Variants in RALGPS1 observed in about 807,000 individuals in gnomAD.
RALGPS1 encodes the protein ras-specific guanine nucleotide-releasing factor RalGPS1.
A neutral mutation model predicts 78.8 loss-of-function variants in RALGPS1; 19 were observed. That is an observed-to-expected ratio of 0.24 (90% confidence interval 0.17 to 0.35). RALGPS1 has a LOEUF of 0.35. Ranked by LOEUF, RALGPS1 falls within the 10% of genes least tolerant of loss-of-function variation. The pLI, the probability that RALGPS1 is intolerant of heterozygous loss-of-function variation, is 1.00. For missense variants in RALGPS1, 454 were observed against 688.3 expected (o/e 0.66, Z 3.81); for synonymous variants, 228 against 256.3 (o/e 0.89, Z 1.06).
intron 7 of RALGPS1, among the ~76,000 whole-genome samples, chr9:127,066,145 G>A (rs1394963614): frequency 6.6e-6 from 1 of 152,214 alleles, no homozygotes; most frequent in Non-Finnish European, 1.5e-5. Flanking sequence ...GGCATGGCAG[G>A]GAACATGGGC....
intron 1 of RALGPS1, among the ~76,000 whole-genome samples, chr9:126,919,003 A>G (rs545273740): frequency 6.6e-6 from 1 of 152,278 alleles, no homozygotes; most frequent in East Asian, 1.9e-4. Flanking sequence ...TAGTGAGGGA[A>G]TAAGTTGTAA....
At position 127,202,830 on chromosome 9, in the gene RALGPS1, G is replaced by A. The variant is rs144488769; in HGVS notation, c.1247+3764G>A. Among the ~76,000 whole-genome samples the A allele has an allele frequency of 9.8e-4, 149 of 152,276 alleles. No homozygotes were observed. In the Middle Eastern group the frequency reaches 0.014, roughly 14 times the overall value. On this transcript the variant is annotated intron_variant, in intron 14 of 18. Transcript: ENST00000259351. ...TCAGCAGTCTTCCTCACCTCATGCC[G>A]GGGAGAGTAGGGGCGAGGAGAGAAG...
At chr9:127,092,058 C>A in intron 8 of RALGPS1, 1 of 1,304,394 alleles carries the variant, frequency 7.7e-7, no homozygotes, top group South Asian at 1.4e-5. Context: ...GAGCATGAAG[C>A]AGACCTGGTT....
intron 13 of RALGPS1, among the ~76,000 whole-genome samples, chr9:127,197,106 A>C (rs2140596540): frequency 6.6e-6 from 1 of 152,312 alleles, no homozygotes; most frequent in South Asian, 2.1e-4. Context: ...AGGGAGGATG[A>C]AAAATTGATA....
rs972339999 is a variant in RALGPS1, at chr9:127,183,643, G to A, written c.910+8861G>A. On this transcript the variant is annotated intron_variant, in intron 11 of 18. Transcript: ENST00000259351. The surrounding 1 kb of genome is among the most constrained non-coding windows in gnomAD (Gnocchi z 4.0). ...AGACATAGTTCAACCTCCGCAGGGG[G>A]TCTGTGGAGACTCCGCCTGACTATG... Among the ~76,000 whole-genome samples the A allele has an allele frequency of 5.3e-5, 8 of 152,104 alleles. No individual in the cohort carries two copies. Among genetic ancestry groups the A allele is most frequent in the Non-Finnish European group, 8.8e-5 (6 of 68,018 alleles).
chr9:127,193,271 AGT>A (rs1265803186), intron 11 of RALGPS1, among the ~76,000 whole-genome samples: 1 of 152,226 alleles, frequency 6.6e-6, no homozygotes, highest in African/African-American at 2.4e-5. Context: ...CCTGACATCC[AGT>A]GTTGTCACTG....
chr9:126,983,502 A>T (rs954839255), intron 4 of RALGPS1, among the ~76,000 whole-genome samples: 1 of 152,168 alleles, frequency 6.6e-6, no homozygotes, highest in African/African-American at 2.4e-5. Context: ...CCATAATCAC[A>T]ATAGCATTAT....
intron 5 of RALGPS1, among the ~76,000 whole-genome samples, chr9:127,040,509 G>A (rs117127710): frequency 0.023 from 3,537 of 152,300 alleles, 45 homozygotes; most frequent in Middle Eastern, 0.048. Context: ...ATGGTGAGAG[G>A]AAAGGTCTGA....
chr9:126,922,837 A>G (rs887349116), intron 1 of RALGPS1, among the ~76,000 whole-genome samples: 1 of 152,272 alleles, frequency 6.6e-6, no homozygotes, highest in African/African-American at 2.4e-5. Flanking sequence ...TGGTCTGAGC[A>G]TGCCATTCCC....
At chr9:127,088,714 G>A in intron 8 of RALGPS1, 1 of 592,928 alleles carries the variant, frequency 1.7e-6, no homozygotes, top group Non-Finnish European at 3.0e-6. Context: ...GTCCTGTCCT[G>A]GAGACATGAG....
chr9:127,069,132 T>C (rs141764985), intron 7 of RALGPS1, 98 bp from the exon 8 acceptor site: 57 of 1,206,250 alleles, frequency 4.7e-5, no homozygotes, highest in Non-Finnish European at 5.8e-5. Context: ...ACCATAGATA[T>C]GTCACTTAGG....
chr9:127,053,163 C>T (rs1309569479), intron 7 of RALGPS1, among the ~76,000 whole-genome samples: 1 of 152,136 alleles, frequency 6.6e-6, no homozygotes, highest in Non-Finnish European at 1.5e-5. Flanking sequence ...GGTCAGAAGC[C>T]CCCAGAGTGG....
chr9:127,085,778 G>T (rs976691256), intron 8 of RALGPS1, among the ~76,000 whole-genome samples: 1 of 152,148 alleles, frequency 6.6e-6, no homozygotes, highest in Non-Finnish European at 1.5e-5. Context: ...GACCAGTAAG[G>T]TTGGGCCTTG....
intron 8 of RALGPS1, chr9:127,108,633 G>A: frequency 5.6e-6 from 9 of 1,613,678 alleles, no homozygotes; most frequent in Non-Finnish European, 7.6e-6. Context: ...CTCTTGGCGA[G>A]CCCTCCTCAG....
chr9:127,104,347 C>T (rs981230106), intron 8 of RALGPS1, among the ~76,000 whole-genome samples: 5 of 152,156 alleles, frequency 3.3e-5, no homozygotes, highest in Non-Finnish European at 7.4e-5. Flanking sequence ...CCTTGGGTGG[C>T]CTGAGAAACA....
chr9:127,145,614 C>T (rs2058052027), intron 8 of RALGPS1, among the ~76,000 whole-genome samples: 1 of 152,210 alleles, frequency 6.6e-6, no homozygotes. Context: ...GGGAGGGCTG[C>T]ATGGAGGCAC....
chr9:126,920,681 G>A (rs2034661536), intron 1 of RALGPS1, among the ~76,000 whole-genome samples: 1 of 152,124 alleles, frequency 6.6e-6, no homozygotes, highest in African/African-American at 2.4e-5. Context: ...TCTTCAGGTG[G>A]GCATTCATTA....
chr9:127,050,902 A>G (rs1216364036), intron 6 of RALGPS1, among the ~76,000 whole-genome samples: 2 of 152,312 alleles, frequency 1.3e-5, no homozygotes, highest in South Asian at 2.1e-4. Flanking sequence ...CGAGCCAGGC[A>G]CCATGCTGTG....
chr9:127,080,884 A>G (rs2051106166), intron 8 of RALGPS1, among the ~76,000 whole-genome samples: 1 of 152,256 alleles, frequency 6.6e-6, no homozygotes, highest in African/African-American at 2.4e-5. Flanking sequence ...GGTAAGTATA[A>G]TGCAGATATT....
Sources: gnomAD v4.1 joint callset for allele counts (sites outside exome capture counted in the v4.1 genomes callset) on GRCh38, gnomAD v4.1.1 for gene constraint, Gnocchi (gnomAD v3.1) non-coding constraint, MANE v1.5 for transcripts, NCBI Gene and HGNC (gene_info 2026-07-23, HGNC 2026-07-21) for gene names.